The following NRXN3 variants were observed in gnomAD, a reference collection of about 807,000 sequenced individuals.
NRXN3 encodes the protein neurexin III.
Under a neutral mutation model 137.6 loss-of-function variants are expected in NRXN3, and 32 were observed. The ratio of observed to expected loss-of-function variants is 0.23; its 90% CI spans 0.18 to 0.31. NRXN3 has a LOEUF of 0.31. NRXN3 is among the 10% of genes least tolerant of loss of function. NRXN3 has a pLI of 1.00. For synonymous variants in NRXN3, 798 were observed against 784.5 expected (o/e 1.02, Z -0.29); for missense variants, 1,574 against 2,062.5 (o/e 0.76, Z 4.59).
At chr14:78,288,532 A>G (rs994724484) in intron 3 of NRXN3, among the ~76,000 whole-genome samples, 4 of 152,240 alleles carry the variant, frequency 2.6e-5, no homozygotes, top group African/African-American at 7.2e-5. Flanking sequence ...TTAAAAATCC[A>G]TCACACCATG....
chr14:78,443,596 A>G (rs2094325411), intron 4 of NRXN3, among the ~76,000 whole-genome samples: 1 of 152,222 alleles, frequency 6.6e-6, no homozygotes, highest in Admixed American at 6.5e-5. Flanking sequence ...TAAGAAGATC[A>G]CATAAATAGA....
intron 16 of NRXN3, among the ~76,000 whole-genome samples, chr14:79,470,949 AGAGTGTGTGT>A (rs1395154628): frequency 0.011 from 635 of 57,358 alleles, 3 homozygotes; most frequent in South Asian, 0.042. Context: ...AAAGAGAGAG[AGAGTGTGTGT>A]GTGTGTGTGT....
intron 15 of NRXN3, among the ~76,000 whole-genome samples, chr14:79,269,624 A>G (rs2079003064): frequency 1.3e-5 from 2 of 152,098 alleles, no homozygotes; most frequent in Admixed American, 6.5e-5. Flanking sequence ...GTCTTTATTT[A>G]GGGTGATTCA....
At chr14:79,830,561 G>A (rs56751179) in intron 20 of NRXN3, among the ~76,000 whole-genome samples, 1 of 152,230 alleles carries the variant, frequency 6.6e-6, no homozygotes, top group African/African-American at 2.4e-5. Context: ...GAAAATTAGG[G>A]GTTGCCTATA....
chr14:78,753,113 C>T (rs1248259775), intron 8 of NRXN3, among the ~76,000 whole-genome samples: 2 of 152,178 alleles, frequency 1.3e-5, no homozygotes, highest in African/African-American at 4.8e-5. Flanking sequence ...TGACCAGCCA[C>T]TCAGGTGAAA....
chr14:79,254,922 T>G (rs2076387246), intron 15 of NRXN3, among the ~76,000 whole-genome samples: 2 of 151,830 alleles, frequency 1.3e-5, no homozygotes, highest in South Asian at 4.2e-4. Context: ...TTCTAGTAGA[T>G]GTCTCTGATT....
intron 3 of NRXN3, among the ~76,000 whole-genome samples, chr14:78,284,792 C>G (rs531674019): frequency 2.0e-5 from 3 of 152,158 alleles, no homozygotes; most frequent in African/African-American, 7.2e-5. Context: ...CAAGAGGTCC[C>G]TCAAACTTAG....
chr14:78,731,060 C>G (rs2098512937), intron 8 of NRXN3, among the ~76,000 whole-genome samples: 1 of 152,110 alleles, frequency 6.6e-6, no homozygotes, highest in Admixed American at 6.5e-5. Context: ...TGCCTGTGAT[C>G]CTTTCAAACC....
chr14:78,444,802 C>T (rs2094366580), intron 4 of NRXN3, among the ~76,000 whole-genome samples: 1 of 151,232 alleles, frequency 6.6e-6, no homozygotes, highest in South Asian at 2.1e-4. Context: ...ACCTGTAATC[C>T]CAGCTACTCG....
chr14:78,536,090 T>C (rs2096532862), intron 4 of NRXN3, among the ~76,000 whole-genome samples: 1 of 152,182 alleles, frequency 6.6e-6, no homozygotes. Context: ...CCCTCCCATA[T>C]TCCCTTATTC....
chr14:78,818,345 G>T (rs1041342837), intron 10 of NRXN3, among the ~76,000 whole-genome samples: 23 of 152,064 alleles, frequency 1.5e-4, no homozygotes, highest in African/African-American at 4.8e-4. Flanking sequence ...AGTGAATGGG[G>T]TAATGAATTG....
chr14:78,413,746 T>C (rs998473849), intron 4 of NRXN3, among the ~76,000 whole-genome samples: 1 of 152,024 alleles, frequency 6.6e-6, no homozygotes, highest in African/African-American at 2.4e-5. Flanking sequence ...GGGGGATGAG[T>C]GCACTTGCCA....
intron 10 of NRXN3, among the ~76,000 whole-genome samples, chr14:78,895,781 T>C (rs909514650): frequency 2.0e-5 from 3 of 151,850 alleles, no homozygotes; most frequent in Admixed American, 2.0e-4. Flanking sequence ...TTAATTGGCC[T>C]AATTTCTATA....
Position 79,367,005 on chromosome 14 carries a change from A to G in NRXN3, c.3263-100216A>G, listed in dbSNP as rs982914490. On this transcript the variant is annotated intron_variant, in intron 15 of 20. Transcript: ENST00000335750. ...CTTTTTTTTTTTTTTTTTTTTGGAG[A>G]TGGAGTCTTGCTCTGTCACCCAGGC... Among the ~76,000 whole-genome samples the G allele has an allele frequency of 1.0e-4, 12 of 116,956 alleles. No homozygotes were observed. In the East Asian group the frequency reaches 1.3e-3, roughly 13 times the overall value. 76.7% of individuals were successfully genotyped at this position (116,956 alleles called of 152,430 possible).
At chr14:79,760,111 A>G (rs767085039) in intron 19 of NRXN3, among the ~76,000 whole-genome samples, 18 of 151,704 alleles carry the variant, frequency 1.2e-4, no homozygotes, top group Non-Finnish European at 2.2e-4. Context: ...AACTGAGTAC[A>G]TCAGCACATA....
intron 15 of NRXN3, among the ~76,000 whole-genome samples, chr14:79,163,414 C>A (rs2060988348): frequency 6.6e-6 from 1 of 151,948 alleles, no homozygotes. Context: ...AGATTATTTA[C>A]CATCTCTCTC....
intron 4 of NRXN3, among the ~76,000 whole-genome samples, chr14:78,571,080 G>A (rs1008899424): frequency 6.6e-6 from 1 of 152,202 alleles, no homozygotes. Context: ...GGCAGCCTCT[G>A]GCATTTCTGT....
rs116927572 is a variant in NRXN3 at position 78,774,166 on chromosome 14, A to G, written c.2045-29454A>G. 9.5e-3 allele frequency among the ~76,000 whole-genome samples: 1,445 copies of G among 152,284 alleles called. 12 individuals are homozygous for G. The highest frequency in any genetic ancestry group is 0.037 in the South Asian group (178 of 4,824). ...AGTTCCTGTGATGTTTCCCAGAAAT[A>G]TGGAATTAGCTGTGCCAGACACTAT... is the stretch of plus-strand genomic sequence containing the variant. On this transcript the variant is annotated intron_variant, in intron 8 of 20. Transcript: ENST00000335750.
At chr14:79,178,300 T>C (rs914019673) in intron 15 of NRXN3, among the ~76,000 whole-genome samples, 1 of 152,250 alleles carries the variant, frequency 6.6e-6, no homozygotes, top group African/African-American at 2.4e-5. Context: ...GGTTAAATGC[T>C]GAGCTCATTT....
Sources: allele counts gnomAD v4.1 joint callset (sites outside exome capture counted in the v4.1 genomes callset), GRCh38; gene constraint gnomAD v4.1.1; transcripts MANE v1.5; gene names NCBI Gene and HGNC (gene_info 2026-07-23, HGNC 2026-07-21).